SUPT3H: variants seen among roughly 807,000 people sequenced by gnomAD.
SUPT3H encodes the protein SPT3 homolog, SAGA and STAGA complex component, also known as transcription initiation protein SPT3 homolog.
SUPT3H carries 44 observed loss-of-function variants against 44.3 expected under a neutral mutation model. The ratio of observed to expected loss-of-function variants is 0.99; its 90% CI spans 0.78 to 1.28. The LOEUF (loss-of-function observed/expected upper bound fraction) is 1.28, where lower values mean the gene tolerates loss of function less well. Among genes scored for constraint, SUPT3H ranks in the 50% most tolerant of loss-of-function variants. The pLI, the probability that SUPT3H is intolerant of heterozygous loss-of-function variation, is 0.00. For synonymous variants in SUPT3H, 124 were observed against 125.6 expected (o/e 0.99, Z 0.09); for missense variants, 380 against 387.1 (o/e 0.98, Z 0.15).
At chr6:44,997,371 T>A (rs1781405852) in intron 6 of SUPT3H, among the ~76,000 whole-genome samples, 1 of 151,816 alleles carries the variant, frequency 6.6e-6, no homozygotes, top group Non-Finnish European at 1.5e-5. Flanking sequence ...TTCTTTTACA[T>A]TTTTTGTTAA....
At chr6:44,945,110 T>C (rs759313347) in intron 9 of SUPT3H, among the ~76,000 whole-genome samples, 1 of 152,130 alleles carries the variant, frequency 6.6e-6, no homozygotes, top group Non-Finnish European at 1.5e-5. Context: ...TTATCTGTTA[T>C]GGTGATCTGT....
intron 10 of SUPT3H, among the ~76,000 whole-genome samples, chr6:44,864,718 A>C (rs1267416450): frequency 2.0e-5 from 3 of 152,134 alleles, no homozygotes; most frequent in Admixed American, 6.5e-5. Context: ...CCTAGGCTGC[A>C]CACAGCGTGG....
At chr6:45,106,682 G>A (rs371159040) in intron 2 of SUPT3H, among the ~76,000 whole-genome samples, 3 of 151,898 alleles carry the variant, frequency 2.0e-5, no homozygotes, top group Non-Finnish European at 4.4e-5. Flanking sequence ...GACTACAGGC[G>A]CGTGCCACCA....
chr6:45,247,094 G>T (rs1467253569), intron 2 of SUPT3H, among the ~76,000 whole-genome samples: 1 of 152,172 alleles, frequency 6.6e-6, no homozygotes, highest in African/African-American at 2.4e-5. Flanking sequence ...GGATCCCACA[G>T]ATGCTAAAAG....
chr6:45,256,120 G>T (rs371360844), intron 2 of SUPT3H, among the ~76,000 whole-genome samples: 1 of 152,118 alleles, frequency 6.6e-6, no homozygotes, highest in Non-Finnish European at 1.5e-5. Context: ...CCAGTGAGCC[G>T]AGTTTGCACC....
At chr6:44,849,855 G>A (rs1192493229) in intron 10 of SUPT3H, among the ~76,000 whole-genome samples, 1 of 152,182 alleles carries the variant, frequency 6.6e-6, no homozygotes, top group Admixed American at 6.5e-5. Context: ...CAACTGTAGA[G>A]GCAATATATT....
chr6:45,013,894 G>A (rs552573603), intron 5 of SUPT3H, among the ~76,000 whole-genome samples: 4 of 152,120 alleles, frequency 2.6e-5, no homozygotes, highest in Admixed American at 2.6e-4. Flanking sequence ...ATGTGAGCAG[G>A]TCATGGTTTA....
At chr6:44,833,942 CT>C (rs1392622474) in intron 10 of SUPT3H, among the ~76,000 whole-genome samples, 1 of 152,146 alleles carries the variant, frequency 6.6e-6, no homozygotes, top group Non-Finnish European at 1.5e-5. Flanking sequence ...GACAATGGAC[CT>C]TAAATCTAAA....
At chr6:45,038,966 T>C (rs1384406204) in intron 3 of SUPT3H, among the ~76,000 whole-genome samples, 1 of 152,182 alleles carries the variant, frequency 6.6e-6, no homozygotes. Flanking sequence ...TCATCAGATA[T>C]TTCCAGGGAA....
chr6:45,280,277 G>A (rs757915261), intron 2 of SUPT3H, among the ~76,000 whole-genome samples: 5 of 152,072 alleles, frequency 3.3e-5, no homozygotes, highest in Non-Finnish European at 7.4e-5. Flanking sequence ...TGAGGTGGGT[G>A]TATCACTTGA....
intron 10 of SUPT3H, among the ~76,000 whole-genome samples, chr6:44,907,178 G>T (rs896145531): frequency 6.6e-6 from 1 of 152,198 alleles, no homozygotes; most frequent in African/African-American, 2.4e-5. Context: ...GCAGAGATTA[G>T]ACAGTGGTAT....
chr6:45,173,986 A>G (rs1811259633), intron 2 of SUPT3H, among the ~76,000 whole-genome samples: 1 of 152,218 alleles, frequency 6.6e-6, no homozygotes, highest in African/African-American at 2.4e-5. Context: ...ACTGGAAAAT[A>G]GGGCATCTGT....
intron 2 of SUPT3H, among the ~76,000 whole-genome samples, chr6:45,332,433 T>C (rs1787703248): frequency 6.6e-6 from 1 of 151,794 alleles, no homozygotes; most frequent in Admixed American, 6.6e-5. Flanking sequence ...GCATTTCTCA[T>C]GATTAATGAT....
rs1460227269 is a variant in SUPT3H, at chr6:45,302,538, TATATATATATATATATATGC to T, written c.101+62643_101+62662del. 9.9e-5 allele frequency among the ~76,000 whole-genome samples: 13 copies of T among 131,518 alleles called. 1 individual carries two copies. The highest frequency in any genetic ancestry group is 5.1e-4 in the South Asian group (2 of 3,934). The allele number at this position is 131,518 out of a possible 152,430, so 86.3% of individuals were successfully genotyped here. A position where few individuals can be genotyped will look rare whatever the true frequency, so the allele number is the denominator to read the frequency against. On this transcript the variant is annotated intron_variant, in intron 2 of 10. Coordinates refer to ENST00000371459, the MANE Select transcript of SUPT3H (RefSeq NM_003599.4). ...GAATATATATATATATATATATATA[TATATATATATATATATATGC>T]ATGCCACAATTTATTTATCTACTTA...
At chr6:45,068,962 T>A (rs1393931453) in intron 3 of SUPT3H, among the ~76,000 whole-genome samples, 1 of 149,458 alleles carries the variant, frequency 6.7e-6, no homozygotes, top group African/African-American at 2.5e-5. Context: ...TGCTTGCTTG[T>A]GGAGTTTTAC....
At chr6:45,025,842 C>T (rs1217442207) in intron 3 of SUPT3H, among the ~76,000 whole-genome samples, 4 of 149,784 alleles carry the variant, frequency 2.7e-5, no homozygotes. Context: ...GAGATAGCGC[C>T]ACTGCACTCT....
At chr6:45,033,320 T>C (rs1255293198) in intron 3 of SUPT3H, among the ~76,000 whole-genome samples, 1 of 151,886 alleles carries the variant, frequency 6.6e-6, no homozygotes, top group Non-Finnish European at 1.5e-5. Flanking sequence ...AGCATGGAGA[T>C]TTAAAAAATC....
chr6:45,008,394 T>C (rs1363422840), intron 5 of SUPT3H, among the ~76,000 whole-genome samples: 1 of 152,182 alleles, frequency 6.6e-6, no homozygotes, highest in Non-Finnish European at 1.5e-5. Context: ...CTCGCTCTGT[T>C]GCCAGGCTGG....
chr6:45,245,114 C>G (rs1430160131), intron 2 of SUPT3H, among the ~76,000 whole-genome samples: 2 of 151,940 alleles, frequency 1.3e-5, no homozygotes, highest in Non-Finnish European at 2.9e-5. Context: ...ATATTTTCTA[C>G]AAGTTTTTCA....
Sources: gnomAD v4.1 joint callset for allele counts (sites outside exome capture counted in the v4.1 genomes callset) on GRCh38, gnomAD v4.1.1 for gene constraint, MANE v1.5 for transcripts, NCBI Gene and HGNC (gene_info 2026-07-23, HGNC 2026-07-21) for gene names.